PARD3: variants seen among roughly 807,000 people sequenced by gnomAD.
The protein encoded by PARD3 is partitioning defective 3 homolog.
Under a neutral mutation model 155.4 loss-of-function variants are expected in PARD3, and 75 were observed. The ratio of observed to expected loss-of-function variants is 0.48; its 90% CI spans 0.40 to 0.58. The LOEUF is 0.58. PARD3 is among the 20% of genes least tolerant of loss of function. PARD3 has a pLI of 0.00. For synonymous variants in PARD3, 576 were observed against 610.5 expected, an observed-to-expected ratio of 0.94 and a Z score of 0.83; for missense variants, 1,642 against 1,721.7, an observed-to-expected ratio of 0.95 and a Z score of 0.82.
chr10:34,329,844 T>C (rs1055193804), intron 19 of PARD3, among the ~76,000 whole-genome samples: 2 of 152,174 alleles, frequency 1.3e-5, no homozygotes, highest in Admixed American at 1.3e-4. Flanking sequence ...ATGACAGAAA[T>C]ATTCATCTTC....
chr10:34,785,111 G>C (rs1430059485), intron 1 of PARD3, among the ~76,000 whole-genome samples: 1 of 152,238 alleles, frequency 6.6e-6, no homozygotes, highest in African/African-American at 2.4e-5. Context: ...TAGACAAAGA[G>C]TTCTAAGGAC....
At chr10:34,279,814 T>G (rs1956076222) in intron 21 of PARD3, among the ~76,000 whole-genome samples, 1 of 152,178 alleles carries the variant, frequency 6.6e-6, no homozygotes, top group African/African-American at 2.4e-5. Flanking sequence ...AACACAAGGC[T>G]TTGAAAGATG....
chr10:34,432,071 A>AAAAAAAAT (rs2075960604), intron 5 of PARD3, among the ~76,000 whole-genome samples: 1 of 145,058 alleles, frequency 6.9e-6, no homozygotes, highest in South Asian at 2.1e-4. Context: ...AAAAAAAAAA[A>AAAAAAAAT]GAATGCAGAG....
intron 1 of PARD3, among the ~76,000 whole-genome samples, chr10:34,731,404 T>TACACTTGCTGCTCTAGCG: frequency 6.6e-6 from 1 of 152,336 alleles, no homozygotes; most frequent in East Asian, 1.9e-4. Flanking sequence ...CTATAAAAGT[T>TACACTTGCTGCTCTAGCG]ACACTTGCTG....
At chr10:34,797,071 A>C (rs1842342671) in intron 1 of PARD3, among the ~76,000 whole-genome samples, 1 of 152,246 alleles carries the variant, frequency 6.6e-6, no homozygotes, top group African/African-American at 2.4e-5. Flanking sequence ...CAGCACAACC[A>C]GGAGCTTATA....
intron 20 of PARD3, among the ~76,000 whole-genome samples, chr10:34,306,215 A>G (rs1957400359): frequency 8.3e-6 from 1 of 120,268 alleles, no homozygotes; most frequent in African/African-American, 2.6e-5. Context: ...CAGGAGGCAG[A>G]GGTTGCAGTG....
At chr10:34,344,775 C>T (rs1435231647) in intron 15 of PARD3, 1 of 985,268 alleles carries the variant, frequency 1.0e-6, no homozygotes, top group African/African-American at 1.7e-5. Flanking sequence ...TGCCTTTGGT[C>T]ACAATCCTGT....
At chr10:34,701,707 G>A (rs1334954933) in intron 1 of PARD3, among the ~76,000 whole-genome samples, 4 of 152,044 alleles carry the variant, frequency 2.6e-5, no homozygotes, top group Admixed American at 6.6e-5. Context: ...CTAGTCTGGG[G>A]AACGTAGTGA....
intron 23 of PARD3, among the ~76,000 whole-genome samples, chr10:34,129,372 C>T (rs1478363566): frequency 1.3e-5 from 2 of 151,978 alleles, no homozygotes; most frequent in African/African-American, 2.4e-5. Context: ...AGGCTGGTCT[C>T]GAACACCTGG....
At chr10:34,259,791 G>A (rs1415295755) in intron 22 of PARD3, among the ~76,000 whole-genome samples, 2 of 152,144 alleles carry the variant, frequency 1.3e-5, no homozygotes, top group Non-Finnish European at 2.9e-5. Context: ...CAAATAGCTA[G>A]ATGGTAAAAA....
intron 22 of PARD3, among the ~76,000 whole-genome samples, chr10:34,194,101 T>C (rs931679860): frequency 6.6e-6 from 1 of 152,190 alleles, no homozygotes; most frequent in Non-Finnish European, 1.5e-5. Context: ...AAATAACCAC[T>C]GCACTTCCAG....
At chr10:34,318,916 C>T (rs1210379150) in intron 19 of PARD3, among the ~76,000 whole-genome samples, 1 of 151,614 alleles carries the variant, frequency 6.6e-6, no homozygotes, top group Non-Finnish European at 1.5e-5. Flanking sequence ...CAGGCGCCCA[C>T]CACCACGCCC....
At chr10:34,617,605 A>T (rs996084268) in intron 2 of PARD3, among the ~76,000 whole-genome samples, 1 of 152,236 alleles carries the variant, frequency 6.6e-6, no homozygotes, top group Non-Finnish European at 1.5e-5. Flanking sequence ...AATTTTTGTC[A>T]AAAATAATAA....
intron 2 of PARD3, among the ~76,000 whole-genome samples, chr10:34,569,219 G>C (rs2134134674): frequency 6.6e-6 from 1 of 152,264 alleles, no homozygotes; most frequent in South Asian, 2.1e-4. Context: ...AAATTGTAGA[G>C]AAACGCAAAA....
chr10:34,544,470 G>T (rs1412691036), intron 2 of PARD3, among the ~76,000 whole-genome samples: 1 of 152,028 alleles, frequency 6.6e-6, no homozygotes, highest in Non-Finnish European at 1.5e-5. Flanking sequence ...TACTCAGGGG[G>T]TTTAAAAAGA....
rs142512538 is a variant in PARD3 at position 34,111,316 on chromosome 10, G to T, written c.3915C>A (p.Ser1305Arg). The change falls in exon 25 of 25, where the codon AGC (serine) becomes AGA (arginine). Residue 1305 changes from serine to arginine, a missense_variant. Physicochemically the swap from Ser to Arg is moderately radical, Grantham distance 110 (BLOSUM62 -1). Coordinates refer to ENST00000374788, the MANE Select transcript of PARD3 (RefSeq NM_001184785.2). ...GGACTTTCTTATACGAGTCATAGTT[G>T]CTGGGCCCCTCGGAAGGAGGCTGCT... Reference protein sequence around the residue: ...MKKQPPSEGPSNYDSYKKVQD... With the variant: ...MKKQPPSEGPRNYDSYKKVQD... 6.2e-7 allele frequency: 1 copy of T among 1,614,030 alleles called. No homozygotes were observed.
chr10:34,354,880 GT>G (rs1838617187), intron 14 of PARD3, among the ~76,000 whole-genome samples: 1 of 152,172 alleles, frequency 6.6e-6, no homozygotes, highest in South Asian at 2.1e-4. Flanking sequence ...TGATTAATGT[GT>G]TCTGTAGAAA....
chr10:34,508,290 A>G (rs1424365096), intron 3 of PARD3, among the ~76,000 whole-genome samples: 2 of 152,228 alleles, frequency 1.3e-5, no homozygotes, highest in African/African-American at 4.8e-5. Flanking sequence ...AAAAGATTTA[A>G]AAGGCAGCAA....
intron 23 of PARD3, 134 bp from the exon 24 acceptor site, chr10:34,119,874 G>A (rs914981096): frequency 6.0e-6 from 5 of 828,136 alleles, no homozygotes; most frequent in Non-Finnish European, 5.2e-6. Flanking sequence ...TTTCAAAATC[G>A]TTTCTTTGAG....
Sources: allele counts gnomAD v4.1 joint callset (sites outside exome capture counted in the v4.1 genomes callset), GRCh38; gene constraint gnomAD v4.1.1; transcripts MANE v1.5; gene names NCBI Gene and HGNC (gene_info 2026-07-23, HGNC 2026-07-21).